The following RELN variants were observed in gnomAD, a reference collection of about 807,000 sequenced individuals.
RELN encodes reelin.
RELN carries 108 observed loss-of-function variants against 427.6 expected under a neutral mutation model. The observed-to-expected ratio is 0.25, with a 90% CI of 0.22 to 0.30. RELN has a LOEUF of 0.30. RELN is among the 10% of genes least tolerant of loss of function. The pLI, the probability that RELN is intolerant of heterozygous loss-of-function variation, is 1.00. For missense variants in RELN, 3,715 were observed against 4,302.8 expected (o/e 0.86, Z 3.82); for synonymous variants, 1,524 against 1,513.4 (o/e 1.01, Z -0.16).
chr7:103,940,867 G>A (rs1174963661), intron 1 of RELN, among the ~76,000 whole-genome samples: 2 of 152,132 alleles, frequency 1.3e-5, no homozygotes, highest in African/African-American at 4.8e-5. Context: ...TCAGCTGTGA[G>A]TACTATTTCC....
intron 16 of RELN, among the ~76,000 whole-genome samples, chr7:103,645,279 C>A (rs181567072): frequency 6.6e-6 from 1 of 151,698 alleles, no homozygotes; most frequent in Non-Finnish European, 1.5e-5. Flanking sequence ...ACTCACATGT[C>A]AATATAGTTC....
intron 16 of RELN, among the ~76,000 whole-genome samples, chr7:103,646,247 T>C (rs772079400): frequency 1.3e-5 from 2 of 151,328 alleles, no homozygotes; most frequent in Non-Finnish European, 3.0e-5. Flanking sequence ...TCCAAAGCTA[T>C]CAGAAGAAAA....
chr7:103,479,660 T>C (rs936118061), intron 63 of RELN, among the ~76,000 whole-genome samples: 1 of 152,188 alleles, frequency 6.6e-6, no homozygotes, highest in African/African-American at 2.4e-5. Flanking sequence ...TGTATGTCCA[T>C]ATTTATGAAA....
chr7:103,740,225 T>C (rs990526108), intron 6 of RELN, among the ~76,000 whole-genome samples: 1 of 152,090 alleles, frequency 6.6e-6, no homozygotes, highest in Non-Finnish European at 1.5e-5. Context: ...AGAAATTAGG[T>C]TGGGTTATGG....
At chr7:103,920,524 G>A (rs1049433042) in intron 1 of RELN, among the ~76,000 whole-genome samples, 11 of 150,308 alleles carry the variant, frequency 7.3e-5, no homozygotes, top group African/African-American at 2.5e-4. Context: ...CAATTGCCAA[G>A]TCTAAGTAGT....
chr7:103,614,873 C>T (rs1832044580), intron 20 of RELN, among the ~76,000 whole-genome samples: 1 of 152,138 alleles, frequency 6.6e-6, no homozygotes, highest in Non-Finnish European at 1.5e-5. Flanking sequence ...CGTTAGTCTA[C>T]TTGATTGTTT....
chr7:103,597,785 T>A (rs1831572170), intron 24 of RELN, among the ~76,000 whole-genome samples: 1 of 152,200 alleles, frequency 6.6e-6, no homozygotes. Flanking sequence ...CTTTGCTTAG[T>A]GAGTCCCCTG....
chr7:103,549,460 A>G (rs57448647), intron 41 of RELN, among the ~76,000 whole-genome samples: 2,795 of 152,286 alleles, frequency 0.018, 103 homozygotes, highest in African/African-American at 0.064. Context: ...GAATGAATTG[A>G]GACATGTGAA....
At chr7:103,829,066 C>T (rs1273064865) in intron 3 of RELN, among the ~76,000 whole-genome samples, 1 of 151,926 alleles carries the variant, frequency 6.6e-6, no homozygotes, top group Non-Finnish European at 1.5e-5. Context: ...ACATCTCTGT[C>T]CTTCAGTTTC....
intron 46 of RELN, among the ~76,000 whole-genome samples, chr7:103,529,066 G>A (rs1829884388): frequency 6.6e-6 from 1 of 151,334 alleles, no homozygotes; most frequent in Admixed American, 6.6e-5. Context: ...AACCTGGGAG[G>A]CGGAGGTTGC....
At chr7:103,800,788 C>A (rs983796482) in intron 3 of RELN, among the ~76,000 whole-genome samples, 4 of 152,160 alleles carry the variant, frequency 2.6e-5, no homozygotes, top group African/African-American at 9.7e-5. Context: ...TCAGAATGAA[C>A]AGGCAACCTA....
chr7:103,570,676 A>G lies in RELN; in HGVS notation c.4588+1508T>C, dbSNP rs535832567. 8.9e-4 allele frequency among the ~76,000 whole-genome samples: 135 copies of G among 152,146 alleles called. 1 individual carries two copies. Among genetic ancestry groups the G allele is most frequent in the African/African-American group, 3.0e-3 (124 of 41,490 alleles). On this transcript the variant is annotated intron_variant, in intron 31 of 64. Coordinates refer to ENST00000428762, the MANE Select transcript of RELN (RefSeq NM_005045.4). Reference sequence around the variant, plus strand: ...TTTACGCTTCTTTTCCCTTCACCACACTTTCTCTTTCCCTCTGTCACATGG... The same window carrying G: ...TTTACGCTTCTTTTCCCTTCACCACGCTTTCTCTTTCCCTCTGTCACATGG...
At position 103,589,624 on chromosome 7, in the gene RELN, T is replaced by G; in HGVS notation, c.4117A>C (p.Ile1373Leu). 1 of 1,613,514 alleles carries G rather than the reference T, an allele frequency of 6.2e-7. No individual in the cohort carries two copies. Among genetic ancestry groups the G allele is most frequent in the Non-Finnish European group, 8.5e-7 (1 of 1,179,456 alleles). The change falls in exon 28 of 65, where the codon ATT becomes CTT. Residue 1373 changes from isoleucine to leucine, a missense_variant. This residue lies in a region of RELN where 2,208 missense variants were observed against 2,361.7 expected (regional missense o/e 0.93). Transcript: ENST00000428762. Reference sequence around the variant, plus strand: ...GATGCAAGAGACCTTGGAATAACAATGGTGATTCTTGTCCATTCTTCAAAG... The same window carrying G: ...GATGCAAGAGACCTTGGAATAACAAGGGTGATTCTTGTCCATTCTTCAAAG... ...GDFEEWTRIT[I>L]VIPRSLASSK... is the part of the protein sequence containing the mutation.
At position 103,640,232 on chromosome 7, in the gene RELN, A is replaced by G. The variant is rs1832669544; in HGVS notation, c.2069+311T>C. Among the ~76,000 whole-genome samples the G allele has an allele frequency of 1.3e-5, 2 of 152,140 alleles. No individual in the cohort carries two copies. Among genetic ancestry groups the G allele is most frequent in the Admixed American group, 1.3e-4 (2 of 15,268 alleles). ...AGGAATTACAATGTGACTCATGAAC[A>G]CCCGAACAAGTTTATGGAAAAGGAT... On this transcript the variant is annotated intron_variant, in intron 17 of 64. Coordinates refer to ENST00000428762, the MANE Select transcript of RELN (RefSeq NM_005045.4). This position sits in a 1 kb window ranked among gnomAD's most constrained non-coding sequence, Gnocchi z 4.1.
At chr7:103,768,422 G>A (rs533685412) in intron 4 of RELN, among the ~76,000 whole-genome samples, 1 of 152,188 alleles carries the variant, frequency 6.6e-6, no homozygotes, top group Admixed American at 6.5e-5. Context: ...ACTCCTTACA[G>A]TTTACATGAA....
intron 1 of RELN, among the ~76,000 whole-genome samples, chr7:103,971,043 T>C (rs1584410578): frequency 6.6e-6 from 1 of 151,100 alleles, no homozygotes; most frequent in Non-Finnish European, 1.5e-5. Context: ...TCCCAGCTAT[T>C]CAGGAGGCTG....
At chr7:103,736,211 C>A (rs947383573) in intron 6 of RELN, among the ~76,000 whole-genome samples, 2 of 152,166 alleles carry the variant, frequency 1.3e-5, no homozygotes. Flanking sequence ...CAAACCTCAA[C>A]AACCAAATAC....
chr7:103,553,695 G>T lies in RELN; in HGVS notation c.5934C>A (p.Ile1978=). 6.2e-7 allele frequency: 1 copy of T among 1,614,068 alleles called. No individual in the cohort carries two copies. The highest frequency in any genetic ancestry group is 8.5e-7 in the Non-Finnish European group (1 of 1,179,990). The part of the protein sequence containing the change: ...DNWFFYPGGN[I]GLYCPYSSKG... ...TTGAAGAATATGGACAATAAAGACC[G>T]ATGTTACCACCAGGATAGAAAAACC... The change falls in exon 39 of 65, where the codon ATC becomes ATA. Residue 1978 remains isoleucine, a synonymous_variant. Transcript: ENST00000428762.
intron 64 of RELN, among the ~76,000 whole-genome samples, chr7:103,477,248 C>T (rs1343401456): frequency 2.6e-5 from 4 of 152,138 alleles, no homozygotes; most frequent in African/African-American, 7.2e-5. Flanking sequence ...CTCTTTTGAA[C>T]TGTTACTCTT....
Sources: gnomAD v4.1 joint callset for allele counts (sites outside exome capture counted in the v4.1 genomes callset) on GRCh38, gnomAD v4.1.1 for gene constraint, gnomAD v4.1.1 regional missense constraint, Gnocchi (gnomAD v3.1) non-coding constraint, MANE v1.5 for transcripts, NCBI Gene and HGNC (gene_info 2026-07-23, HGNC 2026-07-21) for gene names.